VGLL4: variants seen among roughly 807,000 people sequenced by gnomAD.
VGLL4 encodes the protein transcription cofactor vestigial-like protein 4.
VGLL4 carries 7 observed loss-of-function variants against 21.0 expected under a neutral mutation model. The observed-to-expected ratio is 0.33, with a 90% CI of 0.19 to 0.63. The LOEUF is 0.63. VGLL4 is among the 20% of genes least tolerant of loss of function. The pLI is 0.78. For missense variants in VGLL4, 394 were observed against 425.7 expected (o/e 0.93, Z 0.66); for synonymous variants, 222 against 173.2 (o/e 1.28, Z -2.21).
chr3:11,685,624 T>C (rs568653616), intron 2 of VGLL4, among the ~76,000 whole-genome samples: 6 of 152,320 alleles, frequency 3.9e-5, no homozygotes, highest in African/African-American at 1.4e-4. Context: ...TTCCTTTGGG[T>C]ATATACCCAG....
intron 1 of VGLL4, 94 bp from the exon 2 acceptor site, chr3:11,602,116 A>C: frequency 8.0e-7 from 1 of 1,249,726 alleles, no homozygotes; most frequent in African/African-American, 1.6e-5. Flanking sequence ...CCCCTTACAA[A>C]ACTACTCCCA....
intron 1 of VGLL4, among the ~76,000 whole-genome samples, chr3:11,715,028 G>C (rs980686764): frequency 1.3e-5 from 2 of 151,838 alleles, no homozygotes; most frequent in African/African-American, 4.8e-5. Flanking sequence ...CCAGCTACTC[G>C]AGAGGCTGAG....
rs149614514 is a variant in VGLL4 at position 11,710,053 on chromosome 3, G to A, written c.-13-7006C>T. Among the ~76,000 whole-genome samples the A allele has an allele frequency of 1.9e-3, 283 of 152,272 alleles. 2 individuals carry two copies. The highest frequency in any genetic ancestry group is 6.4e-3 in the African/African-American group (266 of 41,528). ...AGCACATGACATGGCAAGGGCAGGA[G>A]CAAAAGAGGCAAGAAGGTGCCACAT... On this transcript the variant is annotated intron_variant, in intron 1 of 5. Transcript: ENST00000273038.
intron 1 of VGLL4, among the ~76,000 whole-genome samples, chr3:11,619,225 AGAG>A (rs2075219948): frequency 6.6e-6 from 1 of 152,240 alleles, no homozygotes; most frequent in Admixed American, 6.5e-5. Flanking sequence ...ATCAGGGATC[AGAG>A]AGGCAGGCGG....
chr3:11,622,276 C>G (rs559676656), intron 1 of VGLL4, among the ~76,000 whole-genome samples: 1 of 152,252 alleles, frequency 6.6e-6, no homozygotes, highest in African/African-American at 2.4e-5. Context: ...TATGCTGAAG[C>G]CCCAGCCATT....
intron 2 of VGLL4, among the ~76,000 whole-genome samples, chr3:11,649,235 G>A (rs1559923175): frequency 6.6e-6 from 1 of 152,172 alleles, no homozygotes; most frequent in East Asian, 1.9e-4. Flanking sequence ...CTGTGTGACA[G>A]TACTACATTT....
intron 2 of VGLL4, among the ~76,000 whole-genome samples, chr3:11,592,838 G>T (rs1261842276): frequency 6.6e-6 from 1 of 152,066 alleles, no homozygotes; most frequent in Non-Finnish European, 1.5e-5. Flanking sequence ...GAACTGTGAG[G>T]ATAAAACGAT....
chr3:11,648,648 G>A (rs1024356852), upstream of VGLL4, among the ~76,000 whole-genome samples: 1 of 152,140 alleles, frequency 6.6e-6, no homozygotes, highest in Non-Finnish European at 1.5e-5. Flanking sequence ...ATATTACAGT[G>A]AAGGATAAAT....
At chr3:11,651,176 C>T (rs1389943453) in intron 2 of VGLL4, among the ~76,000 whole-genome samples, 1 of 151,926 alleles carries the variant, frequency 6.6e-6, no homozygotes, top group African/African-American at 2.4e-5. Flanking sequence ...AAACCCATCT[C>T]TCCTAAATAC....
intron 1 of VGLL4, among the ~76,000 whole-genome samples, chr3:11,716,588 A>G (rs1409854879): frequency 2.0e-5 from 3 of 152,220 alleles, no homozygotes; most frequent in East Asian, 1.9e-4. Flanking sequence ...AGGATCGACT[A>G]TATCTGGCTA....
chr3:11,559,530 A>C, intron 3 of VGLL4, 75 bp from the exon 4 acceptor site: 2 of 1,458,044 alleles, frequency 1.4e-6, no homozygotes, highest in East Asian at 2.6e-5. Flanking sequence ...CCTCCCCAGC[A>C]CCCTTCAGGC....
intron 1 of VGLL4, chr3:11,703,193 T>C: frequency 1.4e-6 from 1 of 701,070 alleles, no homozygotes; most frequent in Non-Finnish European, 2.2e-6. Flanking sequence ...GGAAACAGAA[T>C]GGGCTTGGTT....
At chr3:11,632,430 G>C (rs1368274820) in intron 1 of VGLL4, among the ~76,000 whole-genome samples, 1 of 152,116 alleles carries the variant, frequency 6.6e-6, no homozygotes, top group Non-Finnish European at 1.5e-5. Flanking sequence ...GGCTAATAAT[G>C]CTTCAATAAA....
intron 2 of VGLL4, among the ~76,000 whole-genome samples, chr3:11,569,569 G>A (rs1324675036): frequency 6.6e-6 from 1 of 152,376 alleles, no homozygotes; most frequent in Admixed American, 6.5e-5. Flanking sequence ...AGATTCAAAG[G>A]AGGAGGGGCC....
chr3:11,663,413 C>T (rs1336360390), intron 2 of VGLL4, among the ~76,000 whole-genome samples: 2 of 152,168 alleles, frequency 1.3e-5, no homozygotes, highest in Non-Finnish European at 2.9e-5. Flanking sequence ...ATTAAAACTG[C>T]AACATTTAAC....
chr3:11,587,810 A>T (rs2074394365), intron 2 of VGLL4, among the ~76,000 whole-genome samples: 1 of 151,860 alleles, frequency 6.6e-6, no homozygotes, highest in South Asian at 2.1e-4. Context: ...CAAGAAATAC[A>T]GAGGAGTGAA....
intron 2 of VGLL4, among the ~76,000 whole-genome samples, chr3:11,657,511 T>C (rs1486365883): frequency 1.0e-5 from 1 of 95,974 alleles, no homozygotes; most frequent in Non-Finnish European, 2.0e-5. Flanking sequence ...CAATAACAAT[T>C]ACAGGGAACA....
intron 2 of VGLL4, among the ~76,000 whole-genome samples, chr3:11,669,430 A>G (rs1253617693): frequency 6.6e-6 from 1 of 152,322 alleles, no homozygotes; most frequent in South Asian, 2.1e-4. Context: ...TTCTTTTTTA[A>G]TGATATTCAT....
intron 1 of VGLL4, among the ~76,000 whole-genome samples, chr3:11,704,383 C>CAAAAA (rs57593843): frequency 1.0e-4 from 7 of 69,132 alleles, no homozygotes; most frequent in Non-Finnish European, 1.7e-4. Flanking sequence ...AACTCCGTCT[C>CAAAAA]AAAAAAAAAA....
Sources: allele counts gnomAD v4.1 joint callset (sites outside exome capture counted in the v4.1 genomes callset), GRCh38; gene constraint gnomAD v4.1.1; transcripts MANE v1.5; gene names NCBI Gene and HGNC (gene_info 2026-07-23, HGNC 2026-07-21).